Variants in CSNK1D observed in about 807,000 individuals in gnomAD.
CSNK1D encodes casein kinase 1 delta.
CSNK1D carries 16 observed loss-of-function variants against 46.6 expected under a neutral mutation model. The observed-to-expected ratio is 0.34, with a 90% CI of 0.23 to 0.52. CSNK1D has a LOEUF of 0.52. Ranked by LOEUF, CSNK1D falls within the 20% of genes least tolerant of loss-of-function variation. The pLI is 0.95. For synonymous variants in CSNK1D, 276 were observed against 228.2 expected (o/e 1.21, Z -1.89); for missense variants, 398 against 578.4 (o/e 0.69, Z 3.20).
Position 82,265,192 on chromosome 17 carries a change from T to C in CSNK1D, c.187+494A>G, listed in dbSNP as rs7213171. 7.9e-3 allele frequency: 1,525 copies of C among 192,790 alleles called. 29 individuals carry two copies. Among genetic ancestry groups the C allele is most frequent in the African/African-American group, 0.034 (1,425 of 41,762 alleles). The allele number at this position is 192,790 out of a possible 1,614,324, so 11.9% of individuals were successfully genotyped here. ...GATGGTATAAGATTTTTTTTTTTTT[T>C]GGGGGGGACAGGGTCTCACTCTGTC... On this transcript the variant is annotated intron_variant, in intron 2 of 8. Coordinates refer to ENST00000314028, the MANE Select transcript of CSNK1D (RefSeq NM_001893.6).
At chr17:82,240,712 C>G (rs2147143233), downstream of CSNK1D, among the ~76,000 whole-genome samples, 1 of 152,334 alleles carries the variant, frequency 6.6e-6, no homozygotes, top group South Asian at 2.1e-4. Flanking sequence ...TGCTCCCGGA[C>G]AGACATGCCT....
At position 82,273,598 on chromosome 17, in the gene CSNK1D, C is replaced by T. The variant is rs1265279985; in HGVS notation, c.-217G>A. The T allele has an allele frequency of 5.1e-6, 3 of 582,834 alleles. No homozygotes were observed. The highest frequency in any genetic ancestry group is 4.0e-5 in the African/African-American group (2 of 50,066). 36.1% of individuals were successfully genotyped at this position (582,834 alleles called of 1,614,324 possible). A position where few individuals can be genotyped will look rare whatever the true frequency, so the allele number is the denominator to read the frequency against. On this transcript the variant is annotated 5_prime_UTR_variant, in exon 1 of 9. Coordinates refer to ENST00000314028, the MANE Select transcript of CSNK1D (RefSeq NM_001893.6). This position sits in a 1 kb window ranked among gnomAD's most constrained non-coding sequence, Gnocchi z 5.1. ...CGAGCGCCGCCGCCGCTGCTCCGGC[C>T]CCTACCGGTCCCGCTTGCCCTCTCC...
chr17:82,273,088 G>A lies in CSNK1D; in HGVS notation c.76+218C>T. On this transcript the variant is annotated intron_variant, in intron 1 of 8. Coordinates refer to ENST00000314028, the MANE Select transcript of CSNK1D (RefSeq NM_001893.6). This position sits in a 1 kb window ranked among gnomAD's most constrained non-coding sequence, Gnocchi z 5.1. Reference sequence around the variant, plus strand: ...TCCCCTCTCCAGACCCTGCTCCCCCGACCTGGTCCTGCCCCTCCCCCACGT... The same window carrying A: ...TCCCCTCTCCAGACCCTGCTCCCCCAACCTGGTCCTGCCCCTCCCCCACGT... 3 of 82,326 alleles carry A rather than the reference G, an allele frequency of 3.6e-5. No individual in the cohort carries two copies. Among genetic ancestry groups the A allele is most frequent in the Non-Finnish European group, 6.6e-5 (3 of 45,234 alleles). The allele number at this position is 82,326 out of a possible 1,614,324, so 5.1% of individuals were successfully genotyped here. A position where few individuals can be genotyped will look rare whatever the true frequency, so the allele number is the denominator to read the frequency against.
intron 1 of CSNK1D, among the ~76,000 whole-genome samples, chr17:82,268,778 C>T (rs998161072): frequency 6.6e-6 from 1 of 152,084 alleles, no homozygotes; most frequent in Admixed American, 6.6e-5. Context: ...AACAAAATTA[C>T]GTCCCTCAAG....
At chr17:82,265,564 G>A (rs1201226182) in intron 2 of CSNK1D, 122 bp downstream of exon 2, 2 of 786,198 alleles carry the variant, frequency 2.5e-6, no homozygotes, top group Non-Finnish European at 4.5e-6. Context: ...AGGGTGTGGA[G>A]AACACTTCCC....
Position 82,244,619 on chromosome 17 carries a change from T to G in CSNK1D, c.*162A>C. Reference sequence around the variant, plus strand: ...GGTGGCAGCTCTTGGAGTCTGTCCGTTTAGTATGTTTCCCCCACGAGCGTC... The same window carrying G: ...GGTGGCAGCTCTTGGAGTCTGTCCGGTTAGTATGTTTCCCCCACGAGCGTC... On this transcript the variant is annotated 3_prime_UTR_variant, in exon 9 of 9. Transcript: ENST00000314028. 6.5e-7 allele frequency: 1 copy of G among 1,530,702 alleles called. No individual in the cohort carries two copies. Among genetic ancestry groups the G allele is most frequent in the Non-Finnish European group, 8.7e-7 (1 of 1,143,084 alleles). 94.8% of individuals were successfully genotyped at this position (1,530,702 alleles called of 1,614,324 possible). A position where few individuals can be genotyped will look rare whatever the true frequency, so the allele number is the denominator to read the frequency against.
At chr17:82,260,567 G>C (rs981079171) in intron 2 of CSNK1D, among the ~76,000 whole-genome samples, 6 of 143,206 alleles carry the variant, frequency 4.2e-5, no homozygotes, top group Admixed American at 6.9e-5. Flanking sequence ...GGTGTACTGA[G>C]TGATGGGACT....
intron 3 of CSNK1D, chr17:82,253,447 A>G (rs2051065984): frequency 1.7e-6 from 1 of 604,332 alleles, no homozygotes; most frequent in East Asian, 3.1e-5. Flanking sequence ...TCCACCCTCC[A>G]CAGGCCTAGG....
chr17:82,258,559 G>A (rs1228165930), intron 2 of CSNK1D, among the ~76,000 whole-genome samples: 1 of 152,108 alleles, frequency 6.6e-6, no homozygotes, highest in Non-Finnish European at 1.5e-5. Flanking sequence ...TCTAGATGCA[G>A]CATTACGGAT....
intron 8 of CSNK1D, chr17:82,246,866 G>C (rs1421138083): frequency 1.0e-6 from 1 of 985,972 alleles, no homozygotes; most frequent in Non-Finnish European, 1.2e-6. Context: ...CGGTGACTGT[G>C]TCTCCAGCTC....
chr17:82,247,659 C>T (rs1214837410), intron 8 of CSNK1D: 6 of 985,242 alleles, frequency 6.1e-6, no homozygotes, highest in African/African-American at 3.5e-5. Context: ...GTGCCAGGCT[C>T]GTGGAAAGAA....
chr17:82,243,483 C>G lies in CSNK1D; in HGVS notation c.*1298G>C. ...CATGGAGCCTGGGGCAGCACCAGCT[C>G]ACGGAGGCCACCTGCCTTCTGGTGG... On this transcript the variant is annotated 3_prime_UTR_variant, in exon 9 of 9. Transcript: ENST00000314028. 1 of 985,540 alleles carries G rather than the reference C, an allele frequency of 1.0e-6. No individual in the cohort carries two copies. The highest frequency in any genetic ancestry group is 1.2e-6 in the Non-Finnish European group (1 of 829,998). 61.0% of individuals were successfully genotyped at this position (985,540 alleles called of 1,614,324 possible).
At chr17:82,267,250 T>C (rs2051499758) in intron 1 of CSNK1D, among the ~76,000 whole-genome samples, 1 of 152,080 alleles carries the variant, frequency 6.6e-6, no homozygotes, top group Non-Finnish European at 1.5e-5. Context: ...TGGAGATCAG[T>C]GGTGAGGTCT....
chr17:82,243,412 G>C lies in CSNK1D; in HGVS notation c.*1369C>G. ...CCACTGGCTACCGCCCAAGTGCTGC[G>C]GAGTGAGAGGCGAGAAGGCATCCTG... On this transcript the variant is annotated 3_prime_UTR_variant, in exon 9 of 9. Coordinates refer to ENST00000314028, the MANE Select transcript of CSNK1D (RefSeq NM_001893.6). The C allele has an allele frequency of 1.0e-6, 1 of 985,516 alleles. No individual in the cohort carries two copies. The highest frequency in any genetic ancestry group is 1.2e-6 in the Non-Finnish European group (1 of 829,984). 61.0% of individuals were successfully genotyped at this position (985,516 alleles called of 1,614,324 possible).
chr17:82,271,468 GTTCTATAAA>G (rs1281323442), intron 1 of CSNK1D, among the ~76,000 whole-genome samples: 1 of 152,184 alleles, frequency 6.6e-6, no homozygotes, highest in African/African-American at 2.4e-5. Context: ...AAAATCCATT[GTTCTATAAA>G]TAAGCCAAAC....
chr17:82,270,764 G>C (rs2051599784), intron 1 of CSNK1D, among the ~76,000 whole-genome samples: 1 of 151,994 alleles, frequency 6.6e-6, no homozygotes, highest in Non-Finnish European at 1.5e-5. Context: ...AAAAAAATCA[G>C]CTGTGCCTAA....
intron 2 of CSNK1D, among the ~76,000 whole-genome samples, chr17:82,257,579 G>T (rs898693814): frequency 3.9e-5 from 6 of 152,220 alleles, no homozygotes; most frequent in African/African-American, 1.4e-4. Flanking sequence ...ACAACACTGG[G>T]CCCGGCCAAT....
intron 1 of CSNK1D, among the ~76,000 whole-genome samples, chr17:82,266,021 T>G (rs1343856841): frequency 1.3e-5 from 2 of 152,194 alleles, no homozygotes; most frequent in Non-Finnish European, 2.9e-5. Flanking sequence ...CACAGAAAGT[T>G]TATGTGGCTT....
At chr17:82,262,510 C>G (rs532228834) in intron 2 of CSNK1D, among the ~76,000 whole-genome samples, 3 of 152,194 alleles carry the variant, frequency 2.0e-5, no homozygotes, top group Admixed American at 2.0e-4. Context: ...ATCAAGCAAA[C>G]GTAAAGATCA....
Sources: gnomAD v4.1 joint callset for allele counts (sites outside exome capture counted in the v4.1 genomes callset) on GRCh38, gnomAD v4.1.1 for gene constraint, Gnocchi (gnomAD v3.1) non-coding constraint, MANE v1.5 for transcripts, NCBI Gene and HGNC (gene_info 2026-07-23, HGNC 2026-07-21) for gene names.